The following STK32A variants were observed in gnomAD, a reference collection of about 807,000 sequenced individuals.
The protein encoded by STK32A is serine/threonine kinase 32A.
A neutral mutation model predicts 53.2 loss-of-function variants in STK32A; 41 were observed. The ratio of observed to expected loss-of-function variants is 0.77; its 90% CI spans 0.60 to 1.00. STK32A has a LOEUF of 1.00. Ranked by LOEUF, STK32A falls within the 50% of genes least tolerant of loss-of-function variation. STK32A has a pLI of 0.00. For synonymous variants in STK32A, 166 were observed against 162.8 expected (o/e 1.02, Z -0.15); for missense variants, 458 against 485.8 (o/e 0.94, Z 0.54).
At chr5:147,320,257 A>G (rs894144432) in intron 4 of STK32A, among the ~76,000 whole-genome samples, 1 of 152,182 alleles carries the variant, frequency 6.6e-6, no homozygotes, top group Non-Finnish European at 1.5e-5. Flanking sequence ...GGCCCCTGTA[A>G]GACAGCTTCA....
At chr5:147,300,097 G>A (rs1017159531) in intron 4 of STK32A, among the ~76,000 whole-genome samples, 7 of 152,134 alleles carry the variant, frequency 4.6e-5, no homozygotes, top group African/African-American at 1.7e-4. Context: ...ACTCAAGGTG[G>A]CCTTCAGAGC....
chr5:147,386,295 GC>G lies in STK32A; in HGVS notation c.*2313del, dbSNP rs1369568752. Reference sequence around the variant, plus strand: ...AAGAATAAGAAAGTGACCAGATTCTGCTGCAGTCTGGTAACCCCACGAGTGT... The same window carrying G: ...AAGAATAAGAAAGTGACCAGATTCTGTGCAGTCTGGTAACCCCACGAGTGT... On this transcript the variant is annotated 3_prime_UTR_variant, in exon 13 of 13. Transcript: ENST00000397936. The G allele has an allele frequency of 6.6e-6, 1 of 152,204 alleles. No homozygotes were observed. Among genetic ancestry groups the G allele is most frequent in the African/African-American group, 2.4e-5 (1 of 41,444 alleles). The allele number at this position is 152,204 out of a possible 1,614,324, so 9.4% of individuals were successfully genotyped here. A position where few individuals can be genotyped will look rare whatever the true frequency, so the allele number is the denominator to read the frequency against.
At chr5:147,319,581 T>G (rs1354340735) in intron 4 of STK32A, among the ~76,000 whole-genome samples, 1 of 152,074 alleles carries the variant, frequency 6.6e-6, no homozygotes, top group Non-Finnish European at 1.5e-5. Context: ...CCTTGAAAAA[T>G]TATTCCAGAG....
chr5:147,309,794 A>C (rs1433913472), intron 4 of STK32A, among the ~76,000 whole-genome samples: 1 of 152,220 alleles, frequency 6.6e-6, no homozygotes, highest in Non-Finnish European at 1.5e-5. Context: ...AAGTATGCTG[A>C]TGATGACACG....
At chr5:147,351,241 G>C in intron 7 of STK32A, 87 bp downstream of exon 7, 3 of 1,153,928 alleles carry the variant, frequency 2.6e-6, no homozygotes, top group Non-Finnish European at 2.5e-6. Flanking sequence ...TTTGCAGCTA[G>C]AACTGGTAAG....
chr5:147,332,913 A>G (rs886911658), intron 5 of STK32A, among the ~76,000 whole-genome samples: 7 of 152,226 alleles, frequency 4.6e-5, no homozygotes, highest in African/African-American at 1.4e-4. Context: ...AAAGCCACCC[A>G]TTTGTGAAAA....
intron 7 of STK32A, among the ~76,000 whole-genome samples, chr5:147,357,566 TG>T (rs1232170703): frequency 6.6e-6 from 1 of 152,086 alleles, no homozygotes; most frequent in Non-Finnish European, 1.5e-5. Flanking sequence ...ATTTTTAATT[TG>T]TTGCTGTTTT....
In STK32A at chr5:147,348,129, G is replaced by A. The variant is rs372483300; in HGVS notation, c.473-2936G>A. Among the ~76,000 whole-genome samples the A allele has an allele frequency of 1.2e-3, 176 of 152,268 alleles. 1 individual carries two copies. Among genetic ancestry groups the A allele is most frequent in the African/African-American group, 4.0e-3 (166 of 41,550 alleles). ...AATTCTAGGTCTTAACTCCAGCTCT[G>A]TAACTTTTGAGTCTTTTGAACCTAG... On this transcript the variant is annotated intron_variant, in intron 6 of 12. Transcript: ENST00000397936.
intron 1 of STK32A, among the ~76,000 whole-genome samples, chr5:147,239,263 G>A (rs1449348904): frequency 1.3e-5 from 2 of 152,184 alleles, no homozygotes; most frequent in African/African-American, 4.8e-5. Flanking sequence ...TATAGTTGTT[G>A]AATAAAGTAT....
At chr5:147,341,755 A>C (rs1755423701) in intron 5 of STK32A, among the ~76,000 whole-genome samples, 1 of 152,218 alleles carries the variant, frequency 6.6e-6, no homozygotes, top group Admixed American at 6.5e-5. Context: ...ATGTACAGCA[A>C]GATAACTATA....
At chr5:147,394,145 CA>C in the STK32A span, 12 of 1,608,932 alleles carry the variant, frequency 7.5e-6, no homozygotes, top group East Asian at 9.0e-5. Flanking sequence ...AATAAATTCC[CA>C]GGGGGAAAAA....
chr5:147,300,034 T>C (rs1581059438), intron 4 of STK32A, among the ~76,000 whole-genome samples: 1 of 152,252 alleles, frequency 6.6e-6, no homozygotes, highest in East Asian at 1.9e-4. Context: ...GCAGCCTCCA[T>C]CATATGTGAC....
At chr5:147,308,614 T>C (rs1266733208) in intron 4 of STK32A, among the ~76,000 whole-genome samples, 1 of 152,164 alleles carries the variant, frequency 6.6e-6, no homozygotes, top group African/African-American at 2.4e-5. Flanking sequence ...TTTCCCGAGT[T>C]CACAGGGAAG....
At chr5:147,257,257 G>T (rs570834819) in intron 2 of STK32A, among the ~76,000 whole-genome samples, 1 of 151,828 alleles carries the variant, frequency 6.6e-6, no homozygotes, top group South Asian at 2.1e-4. Context: ...GGGGCGGGGC[G>T]GGGGGTAGGA....
intron 4 of STK32A, among the ~76,000 whole-genome samples, chr5:147,312,267 T>A (rs912908515): frequency 7.6e-6 from 1 of 130,752 alleles, no homozygotes; most frequent in South Asian, 2.2e-4. Flanking sequence ...GCCCAGCTAA[T>A]TTTTTTTTGT....
intron 11 of STK32A, 140 bp from the exon 12 acceptor site, chr5:147,383,301 A>T: frequency 1.4e-6 from 1 of 710,590 alleles, no homozygotes; most frequent in Non-Finnish European, 2.4e-6. Context: ...TTCTTCACAT[A>T]GCATCCATTT....
intron 4 of STK32A, among the ~76,000 whole-genome samples, chr5:147,287,390 T>C (rs926487340): frequency 6.6e-6 from 1 of 152,110 alleles, no homozygotes; most frequent in East Asian, 1.9e-4. Flanking sequence ...AAAAAAAGGG[T>C]CTTTATTCAG....
At chr5:147,292,365 A>G (rs868088526) in intron 4 of STK32A, among the ~76,000 whole-genome samples, 2 of 152,364 alleles carry the variant, frequency 1.3e-5, no homozygotes, top group Middle Eastern at 3.4e-3. Flanking sequence ...AACTTACACA[A>G]ATAACAATAT....
At chr5:147,364,230 A>G (rs1756645940) in intron 8 of STK32A, among the ~76,000 whole-genome samples, 2 of 151,738 alleles carry the variant, frequency 1.3e-5, no homozygotes, top group Non-Finnish European at 2.9e-5. Flanking sequence ...AAAAAAAAAA[A>G]AAAAAGAAAT....
Sources: allele counts gnomAD v4.1 joint callset (sites outside exome capture counted in the v4.1 genomes callset), GRCh38; gene constraint gnomAD v4.1.1; transcripts MANE v1.5; gene names NCBI Gene and HGNC (gene_info 2026-07-23, HGNC 2026-07-21).